Variants in CNNM3 observed in about 807,000 individuals in gnomAD.
CNNM3 encodes the protein cyclin and CBS domain divalent metal cation transport mediator 3.
CNNM3 carries 47 observed loss-of-function variants against 57.1 expected under a neutral mutation model. The ratio of observed to expected loss-of-function variants is 0.82; its 90% confidence interval spans 0.65 to 1.05. The LOEUF (loss-of-function observed/expected upper bound fraction) is 1.05. Ranked by LOEUF, CNNM3 falls within the 50% of genes least tolerant of loss-of-function variation. The pLI is 0.00. For synonymous variants in CNNM3, 507 were observed against 478.2 expected, an observed-to-expected ratio of 1.06 and a Z score of -0.79; for missense variants, 957 against 973.7, an observed-to-expected ratio of 0.98 and a Z score of 0.23.
In CNNM3 at chr2:96,827,873, G is replaced by A. The variant is rs913521415; in HGVS notation, c.1662G>A (p.Pro554=). 25 of 1,613,550 alleles carry A rather than the reference G, an allele frequency of 1.5e-5. No homozygotes were observed. The highest frequency in any genetic ancestry group is 6.7e-5 in the African/African-American group (5 of 74,918). Residue 554 remains proline, a synonymous_variant, in exon 4 of 8, where the codon CCG becomes CCA. Transcript: ENST00000305510. The part of the protein sequence containing the change: ...THHYLYQRSQ[P]VDYFILILQG... ...ACTACCTGTACCAGCGCAGCCAGCC[G>A]GTGGATTACTTCATTCTCATCCTGC...
At position 96,829,052 on chromosome 2, in the gene CNNM3, A is replaced by G. The variant is rs143763352; in HGVS notation, c.1977A>G (p.Pro659=). 5.3e-3 allele frequency: 8,493 copies of G among 1,614,014 alleles called. 33 individuals carry two copies. Among genetic ancestry groups the G allele is most frequent in the Non-Finnish European group, 6.4e-3 (7,586 of 1,180,004 alleles). The change falls in exon 7 of 8, where the codon CCA becomes CCG. Residue 659 remains proline (P), a synonymous_variant. Transcript: ENST00000305510. ...TGGCTACCCGAGCCCAGAACCTGCC[A>G]CAGTCCCCTGAGAACACCGACCTGC... ...ALLATRAQNL[P]QSPENTDLQV...
At chr2:96,828,941 TA>T in intron 6 of CNNM3, 54 bp from the exon 7 acceptor site, 3 of 1,601,428 alleles carry the variant, frequency 1.9e-6, no homozygotes, top group Non-Finnish European at 2.6e-6. Context: ...CTTTCCTGCC[TA>T]CCTTCTGCAT....
rs1252203732 is a variant in CNNM3, at chr2:96,835,219, G to A, written c.*2603G>A. ...CATTCGGGATTGTCTTTTTTCACTC[G>A]GCGTCATTCTCGGGAGATCATCCAG... On this transcript the variant is annotated 3_prime_UTR_variant, in exon 8 of 8. Coordinates refer to ENST00000305510, the MANE Select transcript of CNNM3 (RefSeq NM_017623.5). Among the ~76,000 whole-genome samples the A allele has an allele frequency of 1.3e-5, 2 of 152,010 alleles. No homozygotes were observed. Among genetic ancestry groups the A allele is most frequent in the Non-Finnish European group, 2.9e-5 (2 of 68,006 alleles).
intron 3 of CNNM3, 125 bp downstream of exon 3, chr2:96,827,107 G>A: frequency 9.5e-7 from 1 of 1,055,482 alleles, no homozygotes; most frequent in Non-Finnish European, 1.4e-6. Flanking sequence ...GAGGACTTCT[G>A]TGTTCTCTGC....
chr2:96,828,643 A>G lies in CNNM3; in HGVS notation c.1863A>G (p.Ser621=), dbSNP rs1324015748. 1 of 1,614,068 alleles carries G rather than the reference A, an allele frequency of 6.2e-7. No homozygotes were observed. The highest frequency in any genetic ancestry group is 8.5e-7 in the Non-Finnish European group (1 of 1,179,994). Residue 621 remains serine, a synonymous_variant, in exon 6 of 8, where the codon TCA becomes TCG. Coordinates refer to ENST00000305510, the MANE Select transcript of CNNM3 (RefSeq NM_017623.5). The part of the protein sequence containing the change: ...LQPDPGDGTH[S]SAYCPDYTVR... ...CCGACCCAGGTGACGGCACGCATTCATCTGCGTATTGTCCCGACTACACCG... is the reference window on the plus strand; with the variant it reads ...CCGACCCAGGTGACGGCACGCATTCGTCTGCGTATTGTCCCGACTACACCG...
At chr2:96,820,374 T>C (rs1430642638) in intron 1 of CNNM3, among the ~76,000 whole-genome samples, 1 of 152,194 alleles carries the variant, frequency 6.6e-6, no homozygotes, top group African/African-American at 2.4e-5. Flanking sequence ...AATTTGTGTC[T>C]GTGCAGTGTC....
intron 1 of CNNM3, 90 bp from the exon 2 acceptor site, chr2:96,824,968 C>T: frequency 1.4e-6 from 2 of 1,456,158 alleles, no homozygotes; most frequent in Admixed American, 1.8e-5. Flanking sequence ...TGAACGTTAG[C>T]CGTGTCCTTT....
chr2:96,820,569 C>T (rs908159067), intron 1 of CNNM3, among the ~76,000 whole-genome samples: 1 of 152,116 alleles, frequency 6.6e-6, no homozygotes, highest in Non-Finnish European at 1.5e-5. Context: ...AGGAGGAGTT[C>T]CCGAGATGCG....
downstream of CNNM3, chr2:96,837,068 C>T (rs925281047): frequency 2.6e-5 from 4 of 152,142 alleles, no homozygotes; most frequent in Non-Finnish European, 5.9e-5. Context: ...TCGGCTCTGT[C>T]GATCTGTGTG....
At position 96,816,607 on chromosome 2, in the gene CNNM3, G is replaced by T; in HGVS notation, c.330G>T (p.Val110=). 8.4e-7 allele frequency: 1 copy of T among 1,193,704 alleles called. No homozygotes were observed. The highest frequency in any genetic ancestry group is 3.6e-5 in the East Asian group (1 of 28,098). The allele number at this position is 1,193,704 out of a possible 1,614,324, so 73.9% of individuals were successfully genotyped here. A position where few individuals can be genotyped will look rare whatever the true frequency, so the allele number is the denominator to read the frequency against. The stretch of plus-strand genomic sequence containing the variant: ...GCTTGCGCCTGCGGGCCGAGGCCGT[G>T]CGCCCGCACTCGGCGCTGCTGGCGG... ...LLRLRLRAEA[V]RPHSALLAVR... is the part of the protein sequence containing the mutation. Residue 110 remains valine, a synonymous_variant, in exon 1 of 8, where the codon GTG becomes GTT. Coordinates refer to ENST00000305510, the MANE Select transcript of CNNM3 (RefSeq NM_017623.5).
Position 96,833,210 on chromosome 2 carries a change from T to C in CNNM3, c.*594T>C. 2.7e-6 allele frequency: 1 copy of C among 376,706 alleles called. No individual in the cohort carries two copies. The highest frequency in any genetic ancestry group is 5.2e-6 in the Non-Finnish European group (1 of 193,602). 23.3% of individuals were successfully genotyped at this position (376,706 alleles called of 1,614,324 possible). On this transcript the variant is annotated 3_prime_UTR_variant, in exon 8 of 8. Transcript: ENST00000305510. ...GCCAAACCAGAAGCTCCACTGCCCG[T>C]AGGCTGTCCCTGTAGCCCTGCTCCC...
At chr2:96,819,486 A>G (rs1206099901) in intron 1 of CNNM3, among the ~76,000 whole-genome samples, 7 of 152,170 alleles carry the variant, frequency 4.6e-5, no homozygotes, top group Admixed American at 4.6e-4. Context: ...TGGCGTTAGC[A>G]GGTGGTTCTT....
chr2:96,832,847 G>C lies in CNNM3; in HGVS notation c.*231G>C. 1.3e-6 allele frequency: 2 copies of C among 1,513,024 alleles called. No homozygotes were observed. The highest frequency in any genetic ancestry group is 1.2e-5 in the South Asian group (1 of 83,056). 93.7% of individuals were successfully genotyped at this position (1,513,024 alleles called of 1,614,324 possible). On this transcript the variant is annotated 3_prime_UTR_variant, in exon 8 of 8. Coordinates refer to ENST00000305510, the MANE Select transcript of CNNM3 (RefSeq NM_017623.5). ...GGAGTCACCAGGGCACAGCCCTCCA[G>C]GCCCGCCTCAGGAAGGAATGAAAGG...
intron 1 of CNNM3, among the ~76,000 whole-genome samples, chr2:96,817,750 G>GCCC (rs11308098): frequency 1.3e-4 from 18 of 140,020 alleles, no homozygotes; most frequent in African/African-American, 4.4e-4. Context: ...CGTCAGGATA[G>GCCC]CCCCCCCCCC....
In CNNM3 at chr2:96,816,472, C is replaced by T; in HGVS notation, c.195C>T (p.Arg65=). 4.1e-6 allele frequency: 6 copies of T among 1,457,824 alleles called. No individual in the cohort carries two copies. Among genetic ancestry groups the T allele is most frequent in the Non-Finnish European group, 4.5e-6 (5 of 1,105,550 alleles). 90.3% of individuals were successfully genotyped at this position (1,457,824 alleles called of 1,614,324 possible). The change falls in exon 1 of 8, where the codon CGC becomes CGT. Residue 65 remains arginine (R), a synonymous_variant. Transcript: ENST00000305510. Reference sequence around the variant, plus strand: ...CGCCGGACGCCACCTTCCTCCTGCGCCTCTTCGGCCCGGGCTTCGCCAACA... The same window carrying T: ...CGCCGGACGCCACCTTCCTCCTGCGTCTCTTCGGCCCGGGCTTCGCCAACA... ...RDTPDATFLL[R]LFGPGFANSS...
chr2:96,822,852 T>C (rs2079431008), intron 1 of CNNM3, among the ~76,000 whole-genome samples: 1 of 152,188 alleles, frequency 6.6e-6, no homozygotes, highest in Non-Finnish European at 1.5e-5. Context: ...ACTTTGGCAT[T>C]CAAATAATTG....
In CNNM3 at chr2:96,831,927, C is replaced by T. The variant is rs577078991; in HGVS notation, c.2060-625C>T. On this transcript the variant is annotated intron_variant, in intron 7 of 7. Transcript: ENST00000305510. Reference sequence around the variant, plus strand: ...GAGCCAAGAGGCACAACCATTTCTGCTCAATAGCTTCTCCTCTTCTTTCTC... The same window carrying T: ...GAGCCAAGAGGCACAACCATTTCTGTTCAATAGCTTCTCCTCTTCTTTCTC... The T allele has an allele frequency of 1.9e-5, 18 of 965,296 alleles. No homozygotes were observed. In the East Asian group the frequency reaches 8.0e-4, roughly 43 times the overall value. The allele number at this position is 965,296 out of a possible 1,614,324, so 59.8% of individuals were successfully genotyped here. A position where few individuals can be genotyped will look rare whatever the true frequency, so the allele number is the denominator to read the frequency against.
At position 96,827,729 on chromosome 2, in the gene CNNM3, A is replaced by G. The variant is rs773300851; in HGVS notation, c.1520-2A>G. On this transcript the variant is annotated splice_acceptor_variant, in intron 3 of 7. Transcript: ENST00000305510. LOFTEE classifies it high-confidence loss of function. ...ACTGTCCCTTTTTTCCACCACGTGC[A>G]GAAGTGGATGTATTCAGCCCGCTGC... 1.9e-6 allele frequency: 3 copies of G among 1,611,884 alleles called. No individual in the cohort carries two copies. In the South Asian group the frequency reaches 3.3e-5, roughly 18 times the overall value.
Position 96,829,628 on chromosome 2 carries a change from C to A in CNNM3, c.2059+494C>A, listed in dbSNP as rs571256928. ...CTTCTTGCTTTTTTTTTTTTTAATT[C>A]ATTATTCAACTTGAACTTCTTGCTG... On this transcript the variant is annotated intron_variant, in intron 7 of 7. Transcript: ENST00000305510. Among the ~76,000 whole-genome samples the A allele has an allele frequency of 2.7e-5, 4 of 147,042 alleles. No individual in the cohort carries two copies. In the East Asian group the frequency reaches 7.8e-4, roughly 29 times the overall value.
Sources: gnomAD v4.1 joint callset for allele counts (sites outside exome capture counted in the v4.1 genomes callset) on GRCh38, gnomAD v4.1.1 for gene constraint, MANE v1.5 for transcripts, NCBI Gene and HGNC (gene_info 2026-07-23, HGNC 2026-07-21) for gene names.